Variants in TENM3 observed in about 807,000 individuals in gnomAD.
TENM3 encodes teneurin-3.
TENM3 carries 63 observed loss-of-function variants against 255.1 expected under a neutral mutation model. The ratio of observed to expected loss-of-function variants is 0.25; its 90% CI spans 0.20 to 0.30. TENM3 has a LOEUF of 0.30. Among genes scored for constraint, TENM3 ranks in the 10% least tolerant of loss-of-function variants. The pLI is 1.00. For synonymous variants in TENM3, 1,306 were observed against 1,322.3 expected, an observed-to-expected ratio of 0.99 and a Z score of 0.27; for missense variants, 2,929 against 3,461.1, an observed-to-expected ratio of 0.85 and a Z score of 3.86.
At chr4:182,082,641 G>C in the TENM3 span, among the ~76,000 whole-genome samples, 1 of 152,286 alleles carries the variant, frequency 6.6e-6, no homozygotes, top group East Asian at 1.9e-4. Context: ...TGAAACAGAA[G>C]AGCTGCTACC....
chr4:181,861,166 A>G, the TENM3 span, among the ~76,000 whole-genome samples: 4 of 152,148 alleles, frequency 2.6e-5, no homozygotes, highest in African/African-American at 9.6e-5. Context: ...TGTAACTTGC[A>G]TTATTCTTTG....
At chr4:181,646,088 C>T in the TENM3 span, among the ~76,000 whole-genome samples, 1 of 152,202 alleles carries the variant, frequency 6.6e-6, no homozygotes, top group Non-Finnish European at 1.5e-5. Context: ...AAGCCCTGAA[C>T]ACAGTGTACC....
At chr4:182,440,255 G>C (rs2151250082) in intron 3 of TENM3, among the ~76,000 whole-genome samples, 1 of 151,944 alleles carries the variant, frequency 6.6e-6, no homozygotes, top group African/African-American at 2.4e-5. Context: ...GGGACTACAG[G>C]CACGCACCAC....
At chr4:182,776,576 C>T (rs1764707394) in intron 24 of TENM3, among the ~76,000 whole-genome samples, 1 of 152,124 alleles carries the variant, frequency 6.6e-6, no homozygotes, top group African/African-American at 2.4e-5. Context: ...AGAAACTGAC[C>T]ACATAACCAT....
intron 1 of TENM3, among the ~76,000 whole-genome samples, chr4:182,232,560 C>G (rs112029701): frequency 1.3e-5 from 2 of 152,066 alleles, no homozygotes; most frequent in Admixed American, 6.6e-5. Flanking sequence ...CCCATGTCTA[C>G]TAAAAATACG....
At chr4:181,890,704 C>G in the TENM3 span, among the ~76,000 whole-genome samples, 1 of 151,992 alleles carries the variant, frequency 6.6e-6, no homozygotes, top group Admixed American at 6.6e-5. Flanking sequence ...AGAATATAGT[C>G]TTGTTCATTA....
chr4:182,069,203 A>T, the TENM3 span, among the ~76,000 whole-genome samples: 1 of 152,230 alleles, frequency 6.6e-6, no homozygotes, highest in Non-Finnish European at 1.5e-5. Flanking sequence ...ACTCTGAAAA[A>T]AGAGAATAAT....
chr4:182,439,492 A>T (rs1772301700), intron 3 of TENM3, among the ~76,000 whole-genome samples: 1 of 152,244 alleles, frequency 6.6e-6, no homozygotes, highest in Non-Finnish European at 1.5e-5. Context: ...TAATCTAGGG[A>T]TGTCCTGTGA....
chr4:182,656,882 A>G (rs1286313790), intron 6 of TENM3, among the ~76,000 whole-genome samples: 1 of 152,214 alleles, frequency 6.6e-6, no homozygotes, highest in Non-Finnish European at 1.5e-5. Flanking sequence ...GTTATATGCC[A>G]TCATCCTTTA....
At chr4:181,919,111 G>A in the TENM3 span, among the ~76,000 whole-genome samples, 88 of 152,260 alleles carry the variant, frequency 5.8e-4, no homozygotes, top group Non-Finnish European at 1.0e-3. Flanking sequence ...GAATTCCTTC[G>A]GGAAGTTGTT....
intron 27 of TENM3, 126 bp downstream of exon 27, chr4:182,796,893 A>G (rs908310182): frequency 2.3e-5 from 15 of 646,642 alleles, no homozygotes; most frequent in Middle Eastern, 4.3e-4. Flanking sequence ...TGTTTTAGGG[A>G]AAAAAAACAA....
Position 182,249,381 on chromosome 4 carries a change from A to G in TENM3, c.-76+5905A>G, listed in dbSNP as rs112478461. Among the ~76,000 whole-genome samples, 901 of 152,346 alleles carry G rather than the reference A, an allele frequency of 5.9e-3. 8 individuals carry two copies. Among genetic ancestry groups the G allele is most frequent in the South Asian group, 0.026 (128 of 4,834 alleles). On this transcript the variant is annotated intron_variant, in intron 1 of 27. Transcript: ENST00000511685. Reference sequence around the variant, plus strand: ...AATCCCCAAATCTATGACTTACAACAAAGGTCTATTTTTTTACATATTTTG... The same window carrying G: ...AATCCCCAAATCTATGACTTACAACGAAGGTCTATTTTTTTACATATTTTG...
intron 2 of TENM3, among the ~76,000 whole-genome samples, chr4:182,333,914 G>A (rs1763934758): frequency 6.6e-6 from 1 of 151,508 alleles, no homozygotes; most frequent in African/African-American, 2.4e-5. Context: ...ATAGTATAAC[G>A]GTTGAGAGTA....
the TENM3 span, among the ~76,000 whole-genome samples, chr4:182,025,921 A>G: frequency 3.3e-5 from 5 of 152,010 alleles, no homozygotes; most frequent in African/African-American, 1.2e-4. Context: ...AGTTTGCTGC[A>G]CCCATCAACT....
chr4:181,611,951 T>C, the TENM3 span, among the ~76,000 whole-genome samples: 15 of 152,258 alleles, frequency 9.9e-5, no homozygotes. Context: ...CCATACATAA[T>C]ATATCTATTT....
At chr4:182,179,764 G>A (rs1752731188) in intron 1 of TENM3, among the ~76,000 whole-genome samples, 1 of 152,054 alleles carries the variant, frequency 6.6e-6, no homozygotes, top group Admixed American at 6.5e-5. Context: ...TTTCAGTGTT[G>A]TTTTTGTCTT....
chr4:182,760,258 CA>C (rs1403999317), intron 22 of TENM3, among the ~76,000 whole-genome samples: 4 of 152,076 alleles, frequency 2.6e-5, no homozygotes, highest in Non-Finnish European at 5.9e-5. Context: ...CCAAGGAAAC[CA>C]AAAAGATCTC....
the TENM3 span, among the ~76,000 whole-genome samples, chr4:181,787,764 C>T: frequency 6.6e-6 from 1 of 152,122 alleles, no homozygotes. Context: ...TTCAAGATGT[C>T]CTGCCTTTTT....
intron 1 of TENM3, among the ~76,000 whole-genome samples, chr4:182,235,275 A>AT (rs2150035897): frequency 6.6e-6 from 1 of 152,308 alleles, no homozygotes; most frequent in Admixed American, 6.5e-5. Flanking sequence ...TAGGAAAAAA[A>AT]TATTAATAGG....
Sources: allele counts gnomAD v4.1 joint callset (sites outside exome capture counted in the v4.1 genomes callset), GRCh38; gene constraint gnomAD v4.1.1; transcripts MANE v1.5; gene names NCBI Gene and HGNC (gene_info 2026-07-23, HGNC 2026-07-21).